The following ZFHX3 variants were observed in gnomAD, a reference collection of about 807,000 sequenced individuals.
ZFHX3 encodes the protein zinc finger homeobox protein 3.
In ZFHX3, 42 loss-of-function variants were observed where a neutral mutation model predicts 279.1. The observed-to-expected ratio is 0.15, with a 90% CI of 0.12 to 0.19. The LOEUF is 0.19. Among genes scored for constraint, ZFHX3 ranks in the 10% least tolerant of loss-of-function variants. The probability of loss-of-function intolerance (pLI) is 1.00; values close to 1 mark genes in which losing one functional copy is unlikely to be tolerated. For missense variants in ZFHX3, 4,981 were observed against 4,754.0 expected (o/e 1.05, Z -1.40); for synonymous variants, 2,293 against 1,957.8 (o/e 1.17, Z -4.52).
chr16:73,696,550 A>G (rs2053199435), intron 1 of ZFHX3, among the ~76,000 whole-genome samples: 1 of 152,226 alleles, frequency 6.6e-6, no homozygotes, highest in Non-Finnish European at 1.5e-5. Flanking sequence ...CATTCAGCCT[A>G]GAAAGCTCTT....
chr16:73,208,693 G>C (rs574237976), intron 5 of ZFHX3, among the ~76,000 whole-genome samples: 1 of 152,244 alleles, frequency 6.6e-6, no homozygotes, highest in South Asian at 2.1e-4. Context: ...ATGCTACATA[G>C]GTAGCTATCT....
chr16:73,643,721 G>A (rs2052593761), intron 2 of ZFHX3, among the ~76,000 whole-genome samples: 1 of 152,158 alleles, frequency 6.6e-6, no homozygotes, highest in Non-Finnish European at 1.5e-5. Flanking sequence ...TTTGTTAACA[G>A]AATGCTCACT....
intron 3 of ZFHX3, among the ~76,000 whole-genome samples, chr16:73,441,625 T>G (rs2018094809): frequency 6.6e-6 from 1 of 152,090 alleles, no homozygotes; most frequent in Non-Finnish European, 1.5e-5. Context: ...TTCACGCAAG[T>G]CCAGCTCAGA....
chr16:73,715,504 G>C (rs1038791728), intron 1 of ZFHX3, among the ~76,000 whole-genome samples: 3 of 147,860 alleles, frequency 2.0e-5, no homozygotes, highest in Non-Finnish European at 4.5e-5. Flanking sequence ...CCATTTTATA[G>C]ATGAAGACAC....
chr16:73,458,340 T>TCCTCCCTCCCTC (rs2018411425), intron 2 of ZFHX3, among the ~76,000 whole-genome samples: 1 of 129,420 alleles, frequency 7.7e-6, no homozygotes, highest in African/African-American at 2.9e-5. Flanking sequence ...CTCCCTCCCT[T>TCCTCCCTCCCTC]CCTCCCTCCC....
intron 1 of ZFHX3, among the ~76,000 whole-genome samples, chr16:73,776,190 T>C (rs1959240424): frequency 6.6e-6 from 1 of 152,170 alleles, no homozygotes; most frequent in Non-Finnish European, 1.5e-5. Flanking sequence ...CACGTCCTCC[T>C]GGGTCTGAGC....
At chr16:73,426,847 T>C (rs1030752656) in intron 3 of ZFHX3, among the ~76,000 whole-genome samples, 1 of 152,200 alleles carries the variant, frequency 6.6e-6, no homozygotes. Context: ...GTAAGCAAAA[T>C]CTCAGTGCAA....
At chr16:73,243,371 C>T (rs1292997770) in intron 5 of ZFHX3, among the ~76,000 whole-genome samples, 2 of 152,200 alleles carry the variant, frequency 1.3e-5, no homozygotes, top group East Asian at 1.9e-4. Flanking sequence ...GTCCCACTCA[C>T]TCTCTATTCT....
chr16:72,862,836 GA>G (rs67311563), intron 4 of ZFHX3, among the ~76,000 whole-genome samples: 6 of 148,064 alleles, frequency 4.1e-5, no homozygotes, highest in Non-Finnish European at 7.5e-5. Flanking sequence ...TGCAAGGAAG[GA>G]AAAAAAAAAG....
chr16:73,718,023 T>G (rs1482180492), intron 1 of ZFHX3, among the ~76,000 whole-genome samples: 1 of 152,178 alleles, frequency 6.6e-6, no homozygotes, highest in African/African-American at 2.4e-5. Context: ...ATGTTTATTC[T>G]CATACAAATT....
At chr16:73,824,213 A>C (rs1960831529) in intron 1 of ZFHX3, among the ~76,000 whole-genome samples, 1 of 152,182 alleles carries the variant, frequency 6.6e-6, no homozygotes, top group Non-Finnish European at 1.5e-5. Flanking sequence ...TGCGTGTCTC[A>C]AATTTATTTG....
upstream of ZFHX3, among the ~76,000 whole-genome samples, chr16:73,052,594 A>G (rs1390359272): frequency 2.0e-5 from 3 of 152,096 alleles, no homozygotes; most frequent in Non-Finnish European, 4.4e-5. Context: ...TAGAATTTGG[A>G]TTTCTATTGA....
In ZFHX3 at chr16:73,507,067, T is replaced by C. The variant is rs115280349; in HGVS notation, c.-1546-50809A>G. ...GTCTCTGGGTTCTCCTGTTTTCTAC[T>C]GACACTCTTGGGACGTATTCAATAC... On this transcript the variant is annotated intron_variant, in intron 2 of 17. Transcript: ENST00000641206. 2.7e-3 allele frequency among the ~76,000 whole-genome samples: 406 copies of C among 152,308 alleles called. 4 individuals are homozygous for C. Among genetic ancestry groups the C allele is most frequent in the African/African-American group, 9.2e-3 (381 of 41,556 alleles).
At chr16:73,090,941 G>T (rs1216042900) in intron 8 of ZFHX3, among the ~76,000 whole-genome samples, 3 of 147,030 alleles carry the variant, frequency 2.0e-5, no homozygotes, top group Non-Finnish European at 4.4e-5. Context: ...GCAAGGCATG[G>T]TGGCTCATAC....
At chr16:73,414,408 T>C (rs888786652) in intron 3 of ZFHX3, among the ~76,000 whole-genome samples, 3 of 152,232 alleles carry the variant, frequency 2.0e-5, no homozygotes, top group Non-Finnish European at 4.4e-5. Context: ...GAACTAAACT[T>C]ACAGTTTAAT....
intron 1 of ZFHX3, among the ~76,000 whole-genome samples, chr16:73,784,043 G>A (rs1959557868): frequency 6.6e-6 from 1 of 152,090 alleles, no homozygotes. Flanking sequence ...ATGCCTGCAT[G>A]AGCACAGCCT....
At chr16:73,631,941 A>T (rs752365760) in intron 2 of ZFHX3, among the ~76,000 whole-genome samples, 6,621 of 121,796 alleles carry the variant, frequency 0.054, 167 homozygotes, top group Non-Finnish European at 0.077. Context: ...ACACACACAC[A>T]CACACACACA....
At chr16:73,007,953 T>C (rs58084688) in intron 1 of ZFHX3, among the ~76,000 whole-genome samples, 33,277 of 152,126 alleles carry the variant, frequency 0.22, 4,392 homozygotes, top group East Asian at 0.65. Context: ...TTTTTAGTTT[T>C]CTGTATTTGG....
At chr16:73,205,994 C>T (rs970364053) in intron 5 of ZFHX3, among the ~76,000 whole-genome samples, 10 of 152,268 alleles carry the variant, frequency 6.6e-5, no homozygotes, top group Admixed American at 2.0e-4. Context: ...TTTGACAAAT[C>T]GCAATTTGAG....
Sources: gnomAD v4.1 joint callset for allele counts (sites outside exome capture counted in the v4.1 genomes callset) on GRCh38, gnomAD v4.1.1 for gene constraint, MANE v1.5 for transcripts, NCBI Gene and HGNC (gene_info 2026-07-23, HGNC 2026-07-21) for gene names.